Variants in ENO3 observed in about 807,000 individuals in gnomAD.
The protein encoded by ENO3 is beta-enolase.
ENO3 carries 46 observed loss-of-function variants against 47.7 expected under a neutral mutation model. That is an observed-to-expected ratio of 0.96 (90% CI 0.76 to 1.23). The LOEUF (loss-of-function observed/expected upper bound fraction) is 1.23. Among genes scored for constraint, ENO3 ranks in the 50% most tolerant of loss-of-function variants. The pLI, the probability that ENO3 is intolerant of heterozygous loss-of-function variation, is 0.00. For missense variants in ENO3, 575 were observed against 566.2 expected (o/e 1.02, Z -0.16); for synonymous variants, 223 against 225.9 (o/e 0.99, Z 0.11).
intron 6 of ENO3, among the ~76,000 whole-genome samples, chr17:4,954,608 C>T (rs79987256): frequency 0.012 from 1,872 of 152,282 alleles, 42 homozygotes; most frequent in African/African-American, 0.041. Flanking sequence ...GTGCTATCCC[C>T]ATTTTACAGA....
At chr17:4,952,219 C>T (rs1291126745) in intron 2 of ENO3, 3 of 433,804 alleles carry the variant, frequency 6.9e-6, no homozygotes, top group Non-Finnish European at 1.3e-5. Context: ...CTCTGTGGCC[C>T]GGGCTGGAGT....
chr17:4,949,532 T>A (rs1048155647), upstream of ENO3, among the ~76,000 whole-genome samples: 2 of 152,184 alleles, frequency 1.3e-5, no homozygotes, highest in African/African-American at 4.8e-5. Context: ...GAGTGGCAAC[T>A]TTTTCAAGAA....
intron 2 of ENO3, 21 bp downstream of exon 2, chr17:4,951,935 T>C: frequency 1.2e-6 from 2 of 1,613,680 alleles, no homozygotes; most frequent in Non-Finnish European, 1.7e-6. Context: ...GCCCATTGGA[T>C]AGGCTCGCCT....
intron 9 of ENO3, 129 bp from the exon 10 acceptor site, chr17:4,956,444 A>G (rs1305644526): frequency 5.3e-6 from 5 of 945,500 alleles, no homozygotes; most frequent in Non-Finnish European, 8.7e-6. Flanking sequence ...CCTACTTCCC[A>G]AAGAACTTAG....
chr17:4,949,591 G>A (rs1030124831), upstream of ENO3, among the ~76,000 whole-genome samples: 2 of 151,188 alleles, frequency 1.3e-5, no homozygotes, highest in African/African-American at 4.8e-5. Context: ...AGTCAGATGT[G>A]CGCTCACAGC....
In ENO3 at chr17:4,955,200, C is replaced by T. The variant is rs1004881376; in HGVS notation, c.570C>T (p.His190=). The T allele has an allele frequency of 8.1e-6, 13 of 1,614,176 alleles. No individual in the cohort carries two copies. The highest frequency in any genetic ancestry group is 3.3e-4 in the Middle Eastern group (2 of 6,084). The change falls in exon 7 of 12, where the codon CAC becomes CAT. Residue 190 remains histidine, a synonymous_variant. Coordinates refer to ENST00000519602, the MANE Select transcript of ENO3 (RefSeq NM_053013.4). ...EAMRIGAEVY[H]HLKGVIKAKY... Reference sequence around the variant, plus strand: ...TGCGCATTGGCGCCGAGGTCTACCACCACCTCAAGGGGGTCATCAAGGCCA... The same window carrying T: ...TGCGCATTGGCGCCGAGGTCTACCATCACCTCAAGGGGGTCATCAAGGCCA...
Position 4,956,974 on chromosome 17 carries a change from C to T in ENO3, c.1236-4C>T, listed in dbSNP as rs780753773. 6.2e-7 allele frequency: 1 copy of T among 1,614,220 alleles called. No homozygotes were observed. The highest frequency in any genetic ancestry group is 1.1e-5 in the South Asian group (1 of 91,084). On this transcript the variant is annotated splice_region_variant and splice_polypyrimidine_tract_variant and intron_variant, in intron 11 of 11. Coordinates refer to ENST00000519602, the MANE Select transcript of ENO3 (RefSeq NM_053013.4). ...CAGCAGCCCTAACCTTGCCTGCATT[C>T]TAGGATCGAGGAGGCTCTTGGGGAC...
intron 6 of ENO3, among the ~76,000 whole-genome samples, chr17:4,954,729 A>G (rs1971662107): frequency 6.6e-6 from 1 of 152,160 alleles, no homozygotes; most frequent in African/African-American, 2.4e-5. Flanking sequence ...CCTGACCAAC[A>G]TGGTGAAACC....
At chr17:4,950,267 G>A (rs1476286747), upstream of ENO3, 7 of 152,436 alleles carry the variant, frequency 4.6e-5, no homozygotes, top group Admixed American at 2.6e-4. Flanking sequence ...CTCTACCGAG[G>A]GCAGAGACCT....
chr17:4,951,764 C>G, intron 1 of ENO3, 64 bp from the exon 2 acceptor site: 1 of 1,551,004 alleles, frequency 6.4e-7, no homozygotes, highest in Non-Finnish European at 8.9e-7. Context: ...TCTTAAAGGG[C>G]AAGGGATTTC....
At chr17:4,949,560 G>C (rs1037603232), upstream of ENO3, among the ~76,000 whole-genome samples, 1 of 152,082 alleles carries the variant, frequency 6.6e-6, no homozygotes, top group Non-Finnish European at 1.5e-5. Context: ...GTCCCACTTC[G>C]GGCCCTTTGG....
chr17:4,952,658 C>G, intron 2 of ENO3, 137 bp from the exon 3 acceptor site: 1 of 890,630 alleles, frequency 1.1e-6, no homozygotes, highest in Non-Finnish European at 1.8e-6. Flanking sequence ...GAGACGGTTT[C>G]GCCATGTTAG....
rs1555554529 is a variant in ENO3, at chr17:4,956,990, T to G, written c.1248T>G (p.Ala416=). 6.2e-7 allele frequency: 1 copy of G among 1,614,206 alleles called. No individual in the cohort carries two copies. Among genetic ancestry groups the G allele is most frequent in the Non-Finnish European group, 8.5e-7 (1 of 1,180,030 alleles). The change falls in exon 12 of 12, where the codon GCT becomes GCG. Residue 416 remains alanine (A), a synonymous_variant. Transcript: ENST00000519602. ...KYNQLMRIEE[A]LGDKAIFAGR... ...GCCTGCATTCTAGGATCGAGGAGGCTCTTGGGGACAAGGCAATCTTTGCTG... is the reference window on the plus strand; with the variant it reads ...GCCTGCATTCTAGGATCGAGGAGGCGCTTGGGGACAAGGCAATCTTTGCTG...
chr17:4,951,379 G>T (rs1173764242), intron 1 of ENO3, among the ~76,000 whole-genome samples, 197 bp downstream of exon 1: 4 of 152,168 alleles, frequency 2.6e-5, no homozygotes, highest in Non-Finnish European at 4.4e-5. Flanking sequence ...AAAGGAGGCT[G>T]TGAGGAGGGC....
chr17:4,956,444 A>C (rs1305644526), intron 9 of ENO3, 129 bp from the exon 10 acceptor site: 5 of 945,500 alleles, frequency 5.3e-6, no homozygotes, highest in Non-Finnish European at 8.7e-6. Flanking sequence ...CCTACTTCCC[A>C]AAGAACTTAG....
intron 6 of ENO3, 124 bp downstream of exon 6, chr17:4,953,969 T>A: frequency 6.9e-7 from 1 of 1,451,532 alleles, no homozygotes; most frequent in Non-Finnish European, 9.4e-7. Flanking sequence ...TTCCTGAAAT[T>A]GAATCTCTCC....
chr17:4,954,741 C>T (rs1459846046), intron 6 of ENO3, among the ~76,000 whole-genome samples: 1 of 151,962 alleles, frequency 6.6e-6, no homozygotes, highest in African/African-American at 2.4e-5. Flanking sequence ...GGTGAAACCC[C>T]GTCTCTACTA....
At position 4,957,109 on chromosome 17, in the gene ENO3, A is replaced by G. The variant is rs1476559568; in HGVS notation, c.*62A>G. On this transcript the variant is annotated 3_prime_UTR_variant, in exon 12 of 12. Coordinates refer to ENST00000519602, the MANE Select transcript of ENO3 (RefSeq NM_053013.4). The stretch of plus-strand genomic sequence containing the variant: ...AGGTCTTCCAGACCTGCTTCCTGAA[A>G]TAAACACTGGTGCCAACCAAGACAG... The G allele has an allele frequency of 6.2e-7, 1 of 1,602,148 alleles. No individual in the cohort carries two copies. Among genetic ancestry groups the G allele is most frequent in the Non-Finnish European group, 8.5e-7 (1 of 1,170,810 alleles).
At chr17:4,953,132 T>C in intron 4 of ENO3, 23 bp downstream of exon 4, 2 of 1,614,180 alleles carry the variant, frequency 1.2e-6, no homozygotes. Context: ...GCCCGCTCGC[T>C]GCAGCCTCCT....
Sources: allele counts gnomAD v4.1 joint callset (sites outside exome capture counted in the v4.1 genomes callset), GRCh38; gene constraint gnomAD v4.1.1; transcripts MANE v1.5; gene names NCBI Gene and HGNC (gene_info 2026-07-23, HGNC 2026-07-21).